CCN6: variants seen among roughly 807,000 people sequenced by gnomAD.
CCN6 encodes cellular communication network factor 6.
Under a neutral mutation model 37.4 loss-of-function variants are expected in CCN6, and 31 were observed. The observed-to-expected ratio is 0.83, with a 90% CI of 0.62 to 1.12. CCN6 has a LOEUF of 1.12. Ranked by LOEUF, CCN6 falls within the 50% of genes most tolerant of loss-of-function variation. CCN6 has a pLI of 0.00. For synonymous variants in CCN6, 137 were observed against 142.1 expected (o/e 0.96, Z 0.26); for missense variants, 369 against 413.8 (o/e 0.89, Z 0.94).
At chr6:112,057,484 C>G (rs77401522) in intron 1 of CCN6, among the ~76,000 whole-genome samples, 3,533 of 152,208 alleles carry the variant, frequency 0.023, 150 homozygotes, top group African/African-American at 0.082. Flanking sequence ...GAGGACAATA[C>G]AATACATAGG....
chr6:112,055,313 T>A (rs1006900230), intron 1 of CCN6, among the ~76,000 whole-genome samples: 3 of 152,214 alleles, frequency 2.0e-5, no homozygotes, highest in African/African-American at 7.2e-5. Flanking sequence ...CCCCTGTCTG[T>A]GTGCCTCCTA....
chr6:112,054,322 C>G lies in CCN6; in HGVS notation c.-36C>G, dbSNP rs782039165. On this transcript the variant is annotated 5_prime_UTR_variant, in exon 1 of 5. Coordinates refer to ENST00000368666, the MANE Select transcript of CCN6 (RefSeq NM_198239.2). ...CGGAGCAATGAACAAGCGGCGACTT[C>G]TCTACCCCTCAGGGTGGCTCCACGG... is the stretch of plus-strand genomic sequence containing the variant. The G allele has an allele frequency of 6.2e-7, 1 of 1,613,886 alleles. No homozygotes were observed. Among genetic ancestry groups the G allele is most frequent in the East Asian group, 2.2e-5 (1 of 44,854 alleles).
chr6:112,067,037 C>G lies in CCN6; in HGVS notation c.590-1168C>G. ...AAACTGTTGTCTACCTTCCAGGTAT[C>G]TTCACGTTTCTGCTTCCTCTCCTCA... On this transcript the variant is annotated intron_variant, in intron 3 of 4. Coordinates refer to ENST00000368666, the MANE Select transcript of CCN6 (RefSeq NM_198239.2). The G allele has an allele frequency of 8.1e-6, 11 of 1,366,154 alleles. No individual in the cohort carries two copies. In the South Asian group the frequency reaches 1.2e-4, roughly 16 times the overall value. 84.6% of individuals were successfully genotyped at this position (1,366,154 alleles called of 1,614,324 possible). A position where few individuals can be genotyped will look rare whatever the true frequency, so the allele number is the denominator to read the frequency against.
rs782287536 is a variant in CCN6, at chr6:112,069,637, GA to G, written c.*21del. ...ATTCTGTAAAACCAAGCAAATGGGGGAAAAGTTAGTCAATCCTGTCATATAA... is the reference window on the plus strand; with the variant it reads ...ATTCTGTAAAACCAAGCAAATGGGGGAAAGTTAGTCAATCCTGTCATATAA... On this transcript the variant is annotated 3_prime_UTR_variant, in exon 5 of 5. Coordinates refer to ENST00000368666, the MANE Select transcript of CCN6 (RefSeq NM_198239.2). 1.9e-5 allele frequency: 30 copies of G among 1,613,272 alleles called. No individual in the cohort carries two copies. Among genetic ancestry groups the G allele is most frequent in the Non-Finnish European group, 2.1e-5 (25 of 1,179,670 alleles).
upstream of CCN6, among the ~76,000 whole-genome samples, chr6:112,053,636 A>G (rs1776264114): frequency 6.6e-6 from 1 of 152,082 alleles, no homozygotes; most frequent in Admixed American, 6.6e-5. Context: ...TGTGGCCACA[A>G]AAAGAGGCGT....
rs1554312694 is a variant in CCN6 at position 112,061,021 on chromosome 6, T to C, written c.79T>C (p.Leu27=). 3 of 1,614,196 alleles carry C rather than the reference T, an allele frequency of 1.9e-6. No homozygotes were observed. The highest frequency in any genetic ancestry group is 1.1e-5 in the South Asian group (1 of 91,084). ...FCCRVQGTGP[L]DTTPEGRPGE... The stretch of plus-strand genomic sequence containing the variant: ...CTGCAGGGTACAGGGCACTGGACCA[T>C]TAGATACAACACCTGAAGGAAGGCC... The change falls in exon 2 of 5, where the codon TTA becomes CTA. Residue 27 remains leucine (L), a synonymous_variant. Coordinates refer to ENST00000368666, the MANE Select transcript of CCN6 (RefSeq NM_198239.2).
upstream of CCN6, among the ~76,000 whole-genome samples, chr6:112,053,399 C>T (rs149667385): frequency 1.1e-3 from 171 of 151,194 alleles, 2 homozygotes; most frequent in East Asian, 0.018. Context: ...CAGGTTCAAG[C>T]GATTCTCCTG....
At chr6:112,056,481 T>C (rs587726318) in intron 1 of CCN6, among the ~76,000 whole-genome samples, 1 of 152,008 alleles carries the variant, frequency 6.6e-6, no homozygotes, top group Admixed American at 6.5e-5. Flanking sequence ...ATTGTACTTC[T>C]GTATGTAATG....
At chr6:112,061,400 GT>G in intron 2 of CCN6, 112 bp downstream of exon 2, 1 of 1,444,018 alleles carries the variant, frequency 6.9e-7, no homozygotes, top group Non-Finnish European at 9.6e-7. Flanking sequence ...TATGAGGTGG[GT>G]TTAGTTTTCA....
chr6:112,064,925 A>G lies in CCN6; in HGVS notation c.517A>G (p.Lys173Glu), dbSNP rs1253968333. The stretch of plus-strand genomic sequence containing the variant: ...CTGCTCTGGAGCTAAAGGTGGAAAG[A>G]AGTCTGATCAGTCAAACTGTAGCCT... ...SHCSGAKGGK[K>E]SDQSNCSLEP... Residue 173 changes from lysine (K) to glutamate (E), a missense_variant, in exon 3 of 5, where the codon AAG becomes GAG. Lys to Glu is a moderately conservative substitution (Grantham distance 56). Transcript: ENST00000368666. The G allele has an allele frequency of 1.6e-5, 26 of 1,614,098 alleles. No homozygotes were observed. The highest frequency in any genetic ancestry group is 2.1e-5 in the Non-Finnish European group (25 of 1,179,962).
Position 112,054,305 on chromosome 6 carries a change from T to C in CCN6, c.-53T>C. On this transcript the variant is annotated 5_prime_UTR_variant, in exon 1 of 5. It removes an upstream start codon present in the reference 5' UTR. Coordinates refer to ENST00000368666, the MANE Select transcript of CCN6 (RefSeq NM_198239.2). ...GGGGAGCTTTGTGTACCCGGAGCAA[T>C]GAACAAGCGGCGACTTCTCTACCCC... The C allele has an allele frequency of 1.9e-6, 3 of 1,613,868 alleles. No homozygotes were observed. Among genetic ancestry groups the C allele is most frequent in the Non-Finnish European group, 2.5e-6 (3 of 1,179,950 alleles).
At chr6:112,058,459 T>G (rs1262988695) in intron 1 of CCN6, among the ~76,000 whole-genome samples, 3 of 152,346 alleles carry the variant, frequency 2.0e-5, no homozygotes, top group Non-Finnish European at 4.4e-5. Flanking sequence ...TGCTAGGTGC[T>G]GGTGGTATAC....
rs1224948045 is a variant in CCN6 at position 112,065,586 on chromosome 6, ACG to A, written c.589+591_589+592del. 9.2e-5 allele frequency among the ~76,000 whole-genome samples: 10 copies of A among 108,234 alleles called. No individual in the cohort carries two copies. In the East Asian group the frequency reaches 2.4e-3, roughly 26 times the overall value. 71.0% of individuals were successfully genotyped at this position (108,234 alleles called of 152,430 possible). A position where few individuals can be genotyped will look rare whatever the true frequency, so the allele number is the denominator to read the frequency against. On this transcript the variant is annotated intron_variant, in intron 3 of 4. Transcript: ENST00000368666. ...TAAACACACACACACAAACACACAC[ACG>A]CACACACACACAAACACACACGCAC...
intron 3 of CCN6, among the ~76,000 whole-genome samples, chr6:112,067,614 G>A (rs1043846144): frequency 6.6e-6 from 1 of 152,108 alleles, no homozygotes; most frequent in African/African-American, 2.4e-5. Flanking sequence ...TTGAATGAAT[G>A]AAATTATACG....
At position 112,054,244 on chromosome 6, in the gene CCN6, C is replaced by T; in HGVS notation, c.-114C>T. 1 of 1,440,880 alleles carries T rather than the reference C, an allele frequency of 6.9e-7. No individual in the cohort carries two copies. 89.3% of individuals were successfully genotyped at this position (1,440,880 alleles called of 1,614,324 possible). A position where few individuals can be genotyped will look rare whatever the true frequency, so the allele number is the denominator to read the frequency against. ...GTGTGGGAGGTAGAGGGTGTGTGTT[C>T]TTGTGCAGAGGAGCGTGGGGTTTGC... On this transcript the variant is annotated 5_prime_UTR_variant, in exon 1 of 5. Transcript: ENST00000368666.
intron 3 of CCN6, chr6:112,067,079 C>CA: frequency 7.6e-7 from 1 of 1,310,588 alleles, no homozygotes; most frequent in Non-Finnish European, 1.0e-6. Flanking sequence ...TGTGCAATTG[C>CA]AAGAGACTCT....
intron 3 of CCN6, chr6:112,066,977 C>A: frequency 7.3e-7 from 1 of 1,366,236 alleles, no homozygotes; most frequent in Middle Eastern, 2.1e-4. Flanking sequence ...AGATGTGTGC[C>A]AAGCTTCTAA....
At chr6:112,062,092 T>G (rs1309727552) in intron 2 of CCN6, among the ~76,000 whole-genome samples, 1 of 152,164 alleles carries the variant, frequency 6.6e-6, no homozygotes, top group Non-Finnish European at 1.5e-5. Context: ...CTGCCAGCAC[T>G]GTATTGTATG....
At chr6:112,055,875 C>A (rs1056727181) in intron 1 of CCN6, among the ~76,000 whole-genome samples, 2 of 152,192 alleles carry the variant, frequency 1.3e-5, no homozygotes, top group African/African-American at 2.4e-5. Context: ...CAGGTGTGAG[C>A]CACCACCTCC....
Sources: allele counts gnomAD v4.1 joint callset (sites outside exome capture counted in the v4.1 genomes callset), GRCh38; gene constraint gnomAD v4.1.1; transcripts MANE v1.5; gene names NCBI Gene and HGNC (gene_info 2026-07-23, HGNC 2026-07-21).